Variants in RBFOX2 observed in about 807,000 individuals in gnomAD.
RBFOX2 encodes RNA binding protein fox-1 homolog 2.
In RBFOX2, 10 loss-of-function variants were observed where a neutral mutation model predicts 49.1. That is an observed-to-expected ratio of 0.20 (90% CI 0.13 to 0.35). The LOEUF is 0.35. RBFOX2 is among the 10% of genes least tolerant of loss of function. The pLI, the probability that RBFOX2 is intolerant of heterozygous loss-of-function variation, is 1.00. For missense variants in RBFOX2, 323 were observed against 486.9 expected (o/e 0.66, Z 3.17); for synonymous variants, 183 against 187.4 (o/e 0.98, Z 0.19).
At chr22:35,844,740 A>G (rs1358901424), upstream of RBFOX2, among the ~76,000 whole-genome samples, 2 of 149,758 alleles carry the variant, frequency 1.3e-5, no homozygotes, top group Non-Finnish European at 3.0e-5. Flanking sequence ...TCCTGACCTC[A>G]GGTGATCCAA....
At chr22:35,804,038 G>A (rs928848328) in intron 2 of RBFOX2, among the ~76,000 whole-genome samples, 2 of 152,194 alleles carry the variant, frequency 1.3e-5, no homozygotes, top group Non-Finnish European at 2.9e-5. Context: ...CCAGCACTTT[G>A]GGAGGCCGAG....
intron 1 of RBFOX2, among the ~76,000 whole-genome samples, chr22:35,847,232 AC>A (rs2041334114): frequency 1.3e-5 from 2 of 152,228 alleles, no homozygotes; most frequent in African/African-American, 4.8e-5. Flanking sequence ...TTTCAATGGC[AC>A]ACTCTTAAAA....
At chr22:36,024,735 T>C (rs2059368663) in intron 1 of RBFOX2, among the ~76,000 whole-genome samples, 1 of 150,574 alleles carries the variant, frequency 6.6e-6, no homozygotes, top group African/African-American at 2.4e-5. Flanking sequence ...TGAGACTCCA[T>C]CTCAAAAAAA....
At chr22:35,992,841 C>G (rs1028129747) in intron 1 of RBFOX2, 1 of 152,182 alleles carries the variant, frequency 6.6e-6, no homozygotes, top group Non-Finnish European at 1.5e-5. Flanking sequence ...CCTTACAACT[C>G]TGAATTCCCT....
At chr22:35,893,620 C>A (rs2047503824) in intron 1 of RBFOX2, among the ~76,000 whole-genome samples, 1 of 152,020 alleles carries the variant, frequency 6.6e-6, no homozygotes, top group Non-Finnish European at 1.5e-5. Context: ...TGAGCTCTTA[C>A]AAATACTACA....
intron 1 of RBFOX2, among the ~76,000 whole-genome samples, chr22:35,885,326 C>G (rs2046423028): frequency 6.6e-6 from 1 of 152,112 alleles, no homozygotes; most frequent in Admixed American, 6.5e-5. Flanking sequence ...TTTTACCTAA[C>G]TGGCAATTTC....
intron 1 of RBFOX2, among the ~76,000 whole-genome samples, chr22:35,951,967 A>C (rs2054992984): frequency 6.6e-6 from 1 of 152,238 alleles, no homozygotes; most frequent in Admixed American, 6.5e-5. Flanking sequence ...TGAGAACTGA[A>C]GATTTCACAA....
intron 1 of RBFOX2, among the ~76,000 whole-genome samples, chr22:36,026,633 A>G (rs1297138861): frequency 6.6e-6 from 1 of 151,914 alleles, no homozygotes; most frequent in Non-Finnish European, 1.5e-5. Flanking sequence ...ATCCAATATT[A>G]GCTCACCTCA....
intron 2 of RBFOX2, among the ~76,000 whole-genome samples, chr22:35,804,580 T>TG (rs1950353647): frequency 6.6e-6 from 1 of 152,054 alleles, no homozygotes; most frequent in African/African-American, 2.4e-5. Context: ...CTGACTCCCA[T>TG]GGGAGTGGTC....
chr22:35,912,417 G>T (rs777983196), intron 1 of RBFOX2, among the ~76,000 whole-genome samples: 2 of 152,168 alleles, frequency 1.3e-5, no homozygotes, highest in Non-Finnish European at 2.9e-5. Flanking sequence ...CTCACCGCAA[G>T]AAAATTCTTC....
chr22:35,936,237 CAAAAAAAAAAA>C (rs58153258), intron 1 of RBFOX2, among the ~76,000 whole-genome samples: 1 of 64,536 alleles, frequency 1.5e-5, no homozygotes, highest in Non-Finnish European at 3.2e-5. Context: ...CCAACAACAA[CAAAAAAAAAAA>C]AAAAAAAAAG....
intron 1 of RBFOX2, among the ~76,000 whole-genome samples, chr22:35,907,867 G>C (rs1348036660): frequency 1.3e-5 from 2 of 151,864 alleles, no homozygotes; most frequent in African/African-American, 4.8e-5. Flanking sequence ...GACTGATCTC[G>C]AACTTCTGAC....
intron 2 of RBFOX2, among the ~76,000 whole-genome samples, chr22:35,802,793 G>A (rs1383722267): frequency 6.6e-6 from 1 of 152,198 alleles, no homozygotes; most frequent in East Asian, 1.9e-4. Flanking sequence ...AAAAGGGCCA[G>A]ATATGGTCTC....
At chr22:35,962,959 G>A (rs1435646456), upstream of RBFOX2, among the ~76,000 whole-genome samples, 3 of 147,892 alleles carry the variant, frequency 2.0e-5, no homozygotes, top group Non-Finnish European at 4.5e-5. Context: ...CCTTGTAGTA[G>A]GAAAGGGAGA....
intron 1 of RBFOX2, among the ~76,000 whole-genome samples, chr22:35,904,961 T>C (rs1374031439): frequency 1.3e-5 from 2 of 152,172 alleles, no homozygotes; most frequent in Admixed American, 6.5e-5. Context: ...ATTTCTATCA[T>C]CACAGAAAGG....
In RBFOX2 at chr22:35,778,954, AT is replaced by A. The variant is rs375629369; in HGVS notation, c.400-877del. The stretch of plus-strand genomic sequence containing the variant: ...CAATAGATTGTGAACAACTATCCGA[AT>A]CAATATATAACTGTGTTACCACTTC... On this transcript the variant is annotated intron_variant, in intron 3 of 11. Coordinates refer to ENST00000405409, the Ensembl canonical transcript of RBFOX2. Among the ~76,000 whole-genome samples, 129 of 152,342 alleles carry A rather than the reference AT, an allele frequency of 8.5e-4. 1 individual carries two copies. The highest frequency in any genetic ancestry group is 3.0e-3 in the African/African-American group (125 of 41,576).
At chr22:35,853,703 G>A (rs2042209693) in intron 1 of RBFOX2, among the ~76,000 whole-genome samples, 1 of 142,656 alleles carries the variant, frequency 7.0e-6, no homozygotes, top group African/African-American at 2.7e-5. Flanking sequence ...GTGTGTGTGT[G>A]TAGCCATTAA....
At chr22:35,791,542 T>C (rs929914958) in intron 2 of RBFOX2, among the ~76,000 whole-genome samples, 3 of 152,242 alleles carry the variant, frequency 2.0e-5, no homozygotes, top group Non-Finnish European at 4.4e-5. Flanking sequence ...GGAACTCTTA[T>C]GAAACTTAGA....
At chr22:35,793,762 T>C (rs1315853159) in intron 2 of RBFOX2, among the ~76,000 whole-genome samples, 1 of 152,214 alleles carries the variant, frequency 6.6e-6, no homozygotes, top group Non-Finnish European at 1.5e-5. Context: ...AACACTGTTA[T>C]GACAAGCTGA....
Sources: allele counts gnomAD v4.1 joint callset (sites outside exome capture counted in the v4.1 genomes callset), GRCh38; gene constraint gnomAD v4.1.1; transcripts MANE v1.5; gene names NCBI Gene and HGNC (gene_info 2026-07-23, HGNC 2026-07-21).